The following LEKR1 variants were observed in gnomAD, a reference collection of about 807,000 sequenced individuals.
LEKR1 encodes the protein leucine, glutamate and lysine rich 1, also known as protein LEKR1.
Under a neutral mutation model 72.4 loss-of-function variants are expected in LEKR1, and 59 were observed. The ratio of observed to expected loss-of-function variants is 0.82; its 90% confidence interval spans 0.66 to 1.01. The LOEUF (loss-of-function observed/expected upper bound fraction) is 1.01. LEKR1 is among the 50% of genes least tolerant of loss of function. The probability of loss-of-function intolerance (pLI) is 0.00; values close to 1 mark genes in which losing one functional copy is unlikely to be tolerated. For missense variants in LEKR1, 728 were observed against 759.2 expected, an observed-to-expected ratio of 0.96 and a Z score of 0.48; for synonymous variants, 257 against 263.2, an observed-to-expected ratio of 0.98 and a Z score of 0.23.
intron 2 of LEKR1, among the ~76,000 whole-genome samples, chr3:156,842,423 C>G (rs1714055504): frequency 6.6e-6 from 1 of 151,844 alleles, no homozygotes; most frequent in East Asian, 1.9e-4. Flanking sequence ...AGAGAAGTCC[C>G]TGCTGTTTCC....
At chr3:156,946,759 A>T (rs988050100) in intron 6 of LEKR1, among the ~76,000 whole-genome samples, 3 of 151,182 alleles carry the variant, frequency 2.0e-5, no homozygotes, top group Non-Finnish European at 4.4e-5. Flanking sequence ...CATATGTTGG[A>T]CCATCCTTGC....
intron 3 of LEKR1, among the ~76,000 whole-genome samples, chr3:156,913,705 C>T (rs1723327653): frequency 6.6e-6 from 1 of 152,122 alleles, no homozygotes; most frequent in Non-Finnish European, 1.5e-5. Flanking sequence ...CAAGTGCTTT[C>T]CCTTAATTCC....
intron 12 of LEKR1, among the ~76,000 whole-genome samples, chr3:157,033,772 G>T (rs1734783680): frequency 6.6e-6 from 1 of 152,158 alleles, no homozygotes; most frequent in Non-Finnish European, 1.5e-5. Context: ...GTACCATCTA[G>T]GACTTTCATA....
chr3:157,011,287 C>T, intron 9 of LEKR1, 126 bp from the exon 10 acceptor site: 2 of 648,522 alleles, frequency 3.1e-6, no homozygotes, highest in Non-Finnish European at 2.8e-6. Flanking sequence ...GTAGTAGCAG[C>T]ATATATACTG....
chr3:156,839,764 T>G (rs1381176051), intron 2 of LEKR1, among the ~76,000 whole-genome samples: 1 of 152,208 alleles, frequency 6.6e-6, no homozygotes, highest in Non-Finnish European at 1.5e-5. Flanking sequence ...CGAGACTGCT[T>G]CTCACTTCTT....
chr3:156,874,643 C>T (rs1297842066), intron 3 of LEKR1, among the ~76,000 whole-genome samples: 1 of 152,052 alleles, frequency 6.6e-6, no homozygotes, highest in East Asian at 1.9e-4. Flanking sequence ...ATCACCTGAG[C>T]AGTATACACT....
chr3:156,967,580 G>C (rs1728748258), intron 6 of LEKR1, among the ~76,000 whole-genome samples: 1 of 152,126 alleles, frequency 6.6e-6, no homozygotes, highest in Admixed American at 6.5e-5. Context: ...AGAGAAAAAA[G>C]AATAAAAAGA....
At chr3:157,036,866 T>G (rs1470424600) in intron 12 of LEKR1, among the ~76,000 whole-genome samples, 1 of 152,288 alleles carries the variant, frequency 6.6e-6, no homozygotes, top group African/African-American at 2.4e-5. Flanking sequence ...ATATTTACAC[T>G]TCTGTAAGTT....
intron 7 of LEKR1, among the ~76,000 whole-genome samples, chr3:156,987,637 A>G (rs1277235141): frequency 6.6e-6 from 1 of 152,210 alleles, no homozygotes; most frequent in Non-Finnish European, 1.5e-5. Context: ...AGTAATTTAC[A>G]TTTTATTTTC....
At position 156,873,861 on chromosome 3, in the gene LEKR1, A is replaced by G. The variant is rs553805019; in HGVS notation, c.263+20879A>G. Among the ~76,000 whole-genome samples the G allele has an allele frequency of 3.1e-3, 476 of 152,148 alleles. 2 individuals carry two copies. The highest frequency in any genetic ancestry group is 0.011 in the African/African-American group (451 of 41,546). On this transcript the variant is annotated intron_variant, in intron 3 of 12. Coordinates refer to ENST00000356539, the MANE Select transcript of LEKR1 (RefSeq NM_001004316.3). The stretch of plus-strand genomic sequence containing the variant: ...TGGCCCATAAAGTTTCTGCTGAGAA[A>G]TCTGCTATTAGTTTGATGGGGATTC...
At chr3:157,032,657 C>T (rs946351147) in intron 12 of LEKR1, among the ~76,000 whole-genome samples, 3 of 152,172 alleles carry the variant, frequency 2.0e-5, no homozygotes, top group African/African-American at 4.8e-5. Flanking sequence ...ATACTGAAAC[C>T]TAATGCCCGT....
At position 157,041,438 on chromosome 3, in the gene LEKR1, G is replaced by C. The variant is rs536929241; in HGVS notation, c.1669-3902G>C. Reference sequence around the variant, plus strand: ...AAATAAACTTTCAATGACTCCATATGAGCCTCAGGATTAAGTCAAAACCCT... The same window carrying C: ...AAATAAACTTTCAATGACTCCATATCAGCCTCAGGATTAAGTCAAAACCCT... On this transcript the variant is annotated intron_variant, in intron 12 of 12. Transcript: ENST00000356539. Among the ~76,000 whole-genome samples the C allele has an allele frequency of 2.0e-5, 3 of 152,182 alleles. No individual in the cohort carries two copies. In the South Asian group the frequency reaches 6.2e-4, roughly 32 times the overall value.
chr3:156,870,117 A>G (rs1717756375), intron 3 of LEKR1, among the ~76,000 whole-genome samples: 1 of 152,092 alleles, frequency 6.6e-6, no homozygotes, highest in Non-Finnish European at 1.5e-5. Flanking sequence ...GCCTTGTAAT[A>G]TATTTTGAAG....
chr3:156,854,843 G>A (rs768500877), intron 3 of LEKR1, among the ~76,000 whole-genome samples: 1 of 151,614 alleles, frequency 6.6e-6, no homozygotes, highest in African/African-American at 2.4e-5. Context: ...CATGAGCCAC[G>A]TGCCCAGCCT....
intron 2 of LEKR1, among the ~76,000 whole-genome samples, chr3:156,849,513 C>G (rs1715068051): frequency 6.6e-6 from 1 of 152,156 alleles, no homozygotes; most frequent in African/African-American, 2.4e-5. Context: ...AACTATACTA[C>G]AAGGCTACAG....
intron 3 of LEKR1, among the ~76,000 whole-genome samples, chr3:156,872,341 T>C (rs1718051435): frequency 6.6e-6 from 1 of 152,026 alleles, no homozygotes; most frequent in Non-Finnish European, 1.5e-5. Context: ...TTTGGATTAG[T>C]CTAGCAAGTG....
chr3:156,995,308 T>C (rs1731472704), intron 9 of LEKR1, among the ~76,000 whole-genome samples: 1 of 152,238 alleles, frequency 6.6e-6, no homozygotes, highest in South Asian at 2.1e-4. Context: ...AAAATTATTA[T>C]GACTATAATC....
chr3:156,917,297 C>T (rs188478083), intron 3 of LEKR1, among the ~76,000 whole-genome samples: 136 of 152,130 alleles, frequency 8.9e-4, no homozygotes, highest in Middle Eastern at 3.4e-3. Context: ...ATGTTCCAGA[C>T]AGAAACAGAA....
intron 3 of LEKR1, chr3:156,888,431 A>C: frequency 1.5e-6 from 1 of 689,320 alleles, no homozygotes; most frequent in South Asian, 1.5e-5. Context: ...TTTTCTTAAT[A>C]ACTTTGTTTT....
Sources: gnomAD v4.1 joint callset for allele counts (sites outside exome capture counted in the v4.1 genomes callset) on GRCh38, gnomAD v4.1.1 for gene constraint, MANE v1.5 for transcripts, NCBI Gene and HGNC (gene_info 2026-07-23, HGNC 2026-07-21) for gene names.